DCDC1: variants seen among roughly 807,000 people sequenced by gnomAD.
DCDC1 encodes the protein doublecortin domain containing 1.
DCDC1 carries 200 observed loss-of-function variants against 178.3 expected under a neutral mutation model. The ratio of observed to expected loss-of-function variants is 1.12; its 90% CI spans 1.00 to 1.26. The LOEUF is 1.26. DCDC1 is among the 50% of genes most tolerant of loss of function. The pLI is 0.00. For missense variants in DCDC1, 1,983 were observed against 1,749.2 expected (o/e 1.13, Z -2.38); for synonymous variants, 690 against 604.8 (o/e 1.14, Z -2.07).
In DCDC1 at chr11:31,092,317, TA is replaced by T. The variant is rs562757464; in HGVS notation, c.2119-807del. On this transcript the variant is annotated intron_variant, in intron 16 of 38. Transcript: ENST00000684477. ...ACTGATGACTTACGAAAAATATTTCTAAAAAAAATTGGTTTTAGTAAGTACT... is the reference window on the plus strand; with the variant it reads ...ACTGATGACTTACGAAAAATATTTCTAAAAAAATTGGTTTTAGTAAGTACT... 8.5e-5 allele frequency among the ~76,000 whole-genome samples: 13 copies of T among 152,200 alleles called. No homozygotes were observed. The South Asian group carries it at 2.7e-3, about 32-fold the overall frequency.
intron 7 of DCDC1, among the ~76,000 whole-genome samples, chr11:31,287,906 GTT>G (rs561445377): frequency 7.4e-6 from 1 of 135,986 alleles, no homozygotes; most frequent in African/African-American, 2.6e-5. Context: ...AGAGGACAGC[GTT>G]TTTTTTTTTT....
Position 31,182,359 on chromosome 11 carries a change from A to G in DCDC1, c.1222-44575T>C, listed in dbSNP as rs539346587. Among the ~76,000 whole-genome samples the G allele has an allele frequency of 1.1e-3, 164 of 152,356 alleles. No individual in the cohort carries two copies. The Middle Eastern group carries it at 0.014, about 13-fold the overall frequency. On this transcript the variant is annotated intron_variant, in intron 9 of 38. Transcript: ENST00000684477. ...TGGGGTTATCCACAAAGGGAAGCCC[A>G]TCAGACTAACAGCAGATCTCTCTGC...
At chr11:31,006,682 T>G (rs922481969) in intron 20 of DCDC1, among the ~76,000 whole-genome samples, 2 of 152,212 alleles carry the variant, frequency 1.3e-5, no homozygotes, top group African/African-American at 4.8e-5. Flanking sequence ...CAATACTTTG[T>G]CTGGAGCGTA....
chr11:30,990,308 A>G (rs1391969457), intron 20 of DCDC1, among the ~76,000 whole-genome samples: 1 of 152,236 alleles, frequency 6.6e-6, no homozygotes, highest in African/African-American at 2.4e-5. Flanking sequence ...TCCCAGGAGC[A>G]TAACCCAGAA....
chr11:30,893,017 G>T lies in DCDC1; in HGVS notation c.4903-20C>A. The T allele has an allele frequency of 6.2e-7, 1 of 1,612,572 alleles. No homozygotes were observed. Among genetic ancestry groups the T allele is most frequent in the South Asian group, 1.1e-5 (1 of 91,026 alleles). ...GTGTGCCTGTCAAGAAAAGCCCAGAGAATGTTGTGTTTAGAGAACTGTCTG... is the reference window on the plus strand; with the variant it reads ...GTGTGCCTGTCAAGAAAAGCCCAGATAATGTTGTGTTTAGAGAACTGTCTG... On this transcript the variant is annotated intron_variant, in intron 35 of 38. Transcript: ENST00000684477.
chr11:31,342,118 G>A (rs1950584904), intron 1 of DCDC1, among the ~76,000 whole-genome samples: 1 of 152,180 alleles, frequency 6.6e-6, no homozygotes, highest in African/African-American at 2.4e-5. Context: ...GGAGGGGACA[G>A]CTGGAGAACT....
chr11:31,357,993 G>A (rs1444893147), intron 1 of DCDC1, among the ~76,000 whole-genome samples: 10 of 152,060 alleles, frequency 6.6e-5, no homozygotes, highest in South Asian at 6.2e-4. Flanking sequence ...AATCAATACC[G>A]TGAAAATGGC....
intron 8 of DCDC1, among the ~76,000 whole-genome samples, chr11:31,259,643 T>C (rs1944649748): frequency 6.6e-6 from 1 of 152,182 alleles, no homozygotes; most frequent in Non-Finnish European, 1.5e-5. Flanking sequence ...ACCAACACTT[T>C]GTGCAGCCTC....
intron 21 of DCDC1, among the ~76,000 whole-genome samples, chr11:30,945,686 T>C (rs1947978817): frequency 6.6e-6 from 1 of 151,072 alleles, no homozygotes; most frequent in Non-Finnish European, 1.5e-5. Context: ...AGAGCAAAAC[T>C]CCATCTCAAA....
At chr11:31,326,414 A>G (rs959152224) in intron 3 of DCDC1, among the ~76,000 whole-genome samples, 2 of 152,234 alleles carry the variant, frequency 1.3e-5, no homozygotes, top group African/African-American at 4.8e-5. Flanking sequence ...AATAGTTAGA[A>G]TAAAAAGTGA....
intron 17 of DCDC1, among the ~76,000 whole-genome samples, chr11:31,086,454 T>C (rs1957480316): frequency 6.6e-6 from 1 of 152,234 alleles, no homozygotes; most frequent in Non-Finnish European, 1.5e-5. Context: ...ATTTTGCAAA[T>C]ATATATGACT....
chr11:31,093,680 T>G (rs553589116), intron 16 of DCDC1, among the ~76,000 whole-genome samples: 54 of 152,304 alleles, frequency 3.5e-4, no homozygotes, highest in African/African-American at 1.2e-3. Flanking sequence ...ATGTTGGTAA[T>G]CTACCAGGCT....
chr11:30,988,259 TAC>T (rs1950767496), intron 20 of DCDC1, among the ~76,000 whole-genome samples: 1 of 151,970 alleles, frequency 6.6e-6, no homozygotes, highest in Non-Finnish European at 1.5e-5. Context: ...TGCCTGAGAG[TAC>T]AGTTTAGTGA....
At chr11:31,043,835 TG>T (rs769526970) in intron 20 of DCDC1, among the ~76,000 whole-genome samples, 28 of 151,434 alleles carry the variant, frequency 1.8e-4, no homozygotes, top group Non-Finnish European at 3.4e-4. Flanking sequence ...TTTTTTTTTT[TG>T]TACCTTATAA....
intron 4 of DCDC1, among the ~76,000 whole-genome samples, chr11:31,307,065 A>C (rs992865380): frequency 1.3e-5 from 2 of 152,204 alleles, no homozygotes; most frequent in Non-Finnish European, 2.9e-5. Context: ...TTAATTTGTA[A>C]TGCCACAGAA....
At chr11:31,179,554 G>C (rs1344828558) in intron 9 of DCDC1, among the ~76,000 whole-genome samples, 1 of 152,192 alleles carries the variant, frequency 6.6e-6, no homozygotes, top group Admixed American at 6.5e-5. Flanking sequence ...ATCATGTTAA[G>C]TGAAATAAGC....
intron 9 of DCDC1, among the ~76,000 whole-genome samples, chr11:31,198,577 G>A (rs191151330): frequency 1.1e-4 from 16 of 152,140 alleles, no homozygotes; most frequent in African/African-American, 3.9e-4. Flanking sequence ...TGCTAGCGTT[G>A]TCACTACTTA....
chr11:31,109,021 T>C (rs1959030191), intron 12 of DCDC1, among the ~76,000 whole-genome samples: 1 of 152,174 alleles, frequency 6.6e-6, no homozygotes. Context: ...CCCTAATTAA[T>C]GTTTTTGCCC....
chr11:31,241,037 A>G (rs994888015), intron 9 of DCDC1, among the ~76,000 whole-genome samples: 1 of 151,944 alleles, frequency 6.6e-6, no homozygotes, highest in Non-Finnish European at 1.5e-5. Flanking sequence ...TCACGATTTC[A>G]TTTTTCAGAA....
Sources: gnomAD v4.1 joint callset for allele counts (sites outside exome capture counted in the v4.1 genomes callset) on GRCh38, gnomAD v4.1.1 for gene constraint, MANE v1.5 for transcripts, NCBI Gene and HGNC (gene_info 2026-07-23, HGNC 2026-07-21) for gene names.